ALAD: variants seen among roughly 807,000 people sequenced by gnomAD.
ALAD encodes delta-aminolevulinic acid dehydratase.
ALAD carries 20 observed loss-of-function variants against 44.4 expected under a neutral mutation model. The ratio of observed to expected loss-of-function variants is 0.45; its 90% CI spans 0.32 to 0.65. The LOEUF is 0.65. Ranked by LOEUF, ALAD falls within the 30% of genes least tolerant of loss-of-function variation. ALAD has a pLI of 0.05. For synonymous variants in ALAD, 156 were observed against 167.9 expected (o/e 0.93, Z 0.55); for missense variants, 323 against 445.7 (o/e 0.72, Z 2.48).
At chr9:113,393,385 TCCCTC>T in intron 2 of ALAD, 57 bp downstream of exon 2, 1 of 1,244,052 alleles carries the variant, frequency 8.0e-7, no homozygotes. Flanking sequence ...CAGTCAACAC[TCCCTC>T]CCCAACCCCA....
At chr9:113,399,716 T>A (rs1049921723) in intron 1 of ALAD, among the ~76,000 whole-genome samples, 1 of 152,208 alleles carries the variant, frequency 6.6e-6, no homozygotes, top group African/African-American at 2.4e-5. Flanking sequence ...ATGAGCTTCA[T>A]GTGCCACCCC....
At chr9:113,393,389 T>TCCCTAA in intron 2 of ALAD, 58 bp downstream of exon 2, 1 of 1,271,492 alleles carries the variant, frequency 7.9e-7, no homozygotes, top group Non-Finnish European at 1.2e-6. Flanking sequence ...CAACACTCCC[T>TCCCTAA]CCCCAACCCC....
At chr9:113,399,549 G>C (rs1167984503) in intron 1 of ALAD, among the ~76,000 whole-genome samples, 1 of 152,216 alleles carries the variant, frequency 6.6e-6, no homozygotes, top group African/African-American at 2.4e-5. Flanking sequence ...CAGAGGGACT[G>C]TGTCTCTGAG....
chr9:113,391,967 G>T, intron 3 of ALAD, 152 bp downstream of exon 3: 1 of 826,110 alleles, frequency 1.2e-6, no homozygotes, highest in Non-Finnish European at 2.0e-6. Context: ...CTGTGGAACA[G>T]CTCTGGCCCC....
chr9:113,392,095 GCCC>G (rs778061363), intron 3 of ALAD, 21 bp downstream of exon 3: 4 of 1,590,806 alleles, frequency 2.5e-6, no homozygotes, highest in Middle Eastern at 1.8e-4. Context: ...CCACCCGCTG[GCCC>G]CCCAACTCCA....
chr9:113,387,818 A>G lies in ALAD; in HGVS notation c.*482T>C, dbSNP rs532493437. ...TCTGGCCTCGTGGGAAATGCCTTCCAGTGGAATTGCGGCAAATTTCAACTC... is the reference window on the plus strand; with the variant it reads ...TCTGGCCTCGTGGGAAATGCCTTCCGGTGGAATTGCGGCAAATTTCAACTC... On this transcript the variant is annotated 3_prime_UTR_variant, in exon 12 of 12. Coordinates refer to ENST00000409155, the MANE Select transcript of ALAD (RefSeq NM_000031.6). 1.4e-5 allele frequency: 3 copies of G among 212,560 alleles called. No homozygotes were observed. In the East Asian group the frequency reaches 3.4e-4, roughly 24 times the overall value. The allele number at this position is 212,560 out of a possible 1,614,324, so 13.2% of individuals were successfully genotyped here. A position where few individuals can be genotyped will look rare whatever the true frequency, so the allele number is the denominator to read the frequency against.
intron 2 of ALAD, chr9:113,392,442 G>C (rs1346889338): frequency 2.2e-6 from 2 of 904,490 alleles, no homozygotes; most frequent in Admixed American, 7.6e-5. Context: ...CTTGGACTCT[G>C]AATTTGGCAG....
At chr9:113,393,305 C>A in intron 2 of ALAD, 142 bp downstream of exon 2, 1 of 742,614 alleles carries the variant, frequency 1.3e-6, no homozygotes. Flanking sequence ...TCCAAGTAGC[C>A]TGCTTCCAGT....
chr9:113,390,317 C>G, intron 7 of ALAD, 88 bp downstream of exon 7: 1 of 1,398,450 alleles, frequency 7.2e-7, no homozygotes, highest in Non-Finnish European at 1.0e-6. Context: ...CCAACACGCC[C>G]GGCAGTTCTG....
At chr9:113,397,867 C>T (rs1051607190) in intron 1 of ALAD, among the ~76,000 whole-genome samples, 5 of 152,030 alleles carry the variant, frequency 3.3e-5, no homozygotes, top group Non-Finnish European at 5.9e-5. Flanking sequence ...TCAAGTGATC[C>T]GCCCGCCTCT....
intron 1 of ALAD, among the ~76,000 whole-genome samples, chr9:113,394,115 T>C (rs1327005759): frequency 1.3e-5 from 2 of 151,724 alleles, no homozygotes; most frequent in Non-Finnish European, 2.9e-5. Context: ...ATTTTCGAAT[T>C]TTTTGTAGAG....
intron 1 of ALAD, among the ~76,000 whole-genome samples, chr9:113,400,824 A>AAAAT (rs1038002363): frequency 5.3e-5 from 8 of 152,202 alleles, no homozygotes; most frequent in East Asian, 3.8e-4. Flanking sequence ...CTCCGTCTCA[A>AAAAT]AAATAAATAA....
chr9:113,391,571 G>C lies in ALAD; in HGVS notation c.217C>G (p.Leu73Val), dbSNP rs530804739. The C allele has an allele frequency of 1.9e-6, 3 of 1,614,144 alleles. No homozygotes were observed. The East Asian group carries it at 6.7e-5, about 36-fold the overall frequency. Residue 73 changes from leucine to valine, a missense_variant, in exon 4 of 12, where the codon CTA (leucine) becomes GTA (valine). Leu to Val is a conservative substitution (Grantham distance 32). Coordinates refer to ENST00000409155, the MANE Select transcript of ALAD (RefSeq NM_000031.6). ...ACGCCAAAGATCAAGACACAGCGTA[G>C]GCCCTCTTCCACCAAGGGCCTCAGC... ...EMLRPLVEEG[L>V]RCVLIFGVPS...
rs747665815 is a variant in ALAD at position 113,392,229 on chromosome 9, G to C, written c.114-60C>G. ...TGTGGGAAGGGCCAGTGGTGCGGGGGCGACTGAGAGGGATGGTTGGGAAGC... is the reference window on the plus strand; with the variant it reads ...TGTGGGAAGGGCCAGTGGTGCGGGGCCGACTGAGAGGGATGGTTGGGAAGC... On this transcript the variant is annotated intron_variant, in intron 2 of 11. Transcript: ENST00000409155. 5.0e-6 allele frequency: 8 copies of C among 1,612,630 alleles called. No individual in the cohort carries two copies. In the Admixed American group the frequency reaches 1.2e-4, roughly 24 times the overall value.
rs1139488 is a variant in ALAD, at chr9:113,391,620, A to G, written c.168T>C (p.Tyr56=). 0.36 allele frequency: 584,575 copies of G among 1,610,778 alleles called. 108,416 individuals carry two copies. Among genetic ancestry groups the G allele is most frequent in the East Asian group, 0.43 (19,279 of 44,826 alleles). Residue 56 remains tyrosine, a synonymous_variant, in exon 4 of 12, where the codon TAT becomes TAC. Coordinates refer to ENST00000409155, the MANE Select transcript of ALAD (RefSeq NM_000031.6). Reference sequence around the variant, plus strand: ...GCATCTCTTCCAGCCGCTTCACACCATACCTGTGTGGGTGTGGGTAGAGGG... The same window carrying G: ...GCATCTCTTCCAGCCGCTTCACACCGTACCTGTGTGGGTGTGGGTAGAGGG... ...PITSLPGVAR[Y]GVKRLEEMLR... is the part of the protein sequence containing the mutation.
chr9:113,392,388 A>G (rs1453788302), intron 2 of ALAD: 1 of 1,335,718 alleles, frequency 7.5e-7, no homozygotes, highest in Non-Finnish European at 1.0e-6. Context: ...TAGCAACTGT[A>G]CTAAAAGAAC....
In ALAD at chr9:113,393,584, C is replaced by T. The variant is rs1186205713; in HGVS notation, c.-25G>A. 6.2e-6 allele frequency: 10 copies of T among 1,601,268 alleles called. No homozygotes were observed. The highest frequency in any genetic ancestry group is 1.1e-5 in the South Asian group (1 of 90,784). ...TGGCGTGGGCCAGTGGGCACAGGGGCATCAGTTGGTTGGAACCGAGGGCTC... is the reference window on the plus strand; with the variant it reads ...TGGCGTGGGCCAGTGGGCACAGGGGTATCAGTTGGTTGGAACCGAGGGCTC... On this transcript the variant is annotated 5_prime_UTR_variant, in exon 2 of 12. It removes an upstream start codon present in the reference 5' UTR. Coordinates refer to ENST00000409155, the MANE Select transcript of ALAD (RefSeq NM_000031.6).
At chr9:113,392,444 A>G in intron 2 of ALAD, 1 of 891,232 alleles carries the variant, frequency 1.1e-6, no homozygotes, top group Non-Finnish European at 1.5e-6. Flanking sequence ...TGGACTCTGA[A>G]TTTGGCAGGT....
chr9:113,388,092 A>C lies in ALAD; in HGVS notation c.*208T>G. ...GGCTGACCCAGGGGAGGGGCGGGGA[A>C]GCTTGGGAGAGCTCATAGGATGCAG... On this transcript the variant is annotated 3_prime_UTR_variant, in exon 12 of 12. Transcript: ENST00000409155. The C allele has an allele frequency of 9.8e-6, 6 of 610,268 alleles. No individual in the cohort carries two copies. Among genetic ancestry groups the C allele is most frequent in the East Asian group, 3.0e-5 (1 of 33,852 alleles). The allele number at this position is 610,268 out of a possible 1,614,324, so 37.8% of individuals were successfully genotyped here.
Sources: gnomAD v4.1 joint callset for allele counts (sites outside exome capture counted in the v4.1 genomes callset) on GRCh38, gnomAD v4.1.1 for gene constraint, MANE v1.5 for transcripts, NCBI Gene and HGNC (gene_info 2026-07-23, HGNC 2026-07-21) for gene names.